LGR5: variants seen among roughly 807,000 people sequenced by gnomAD.
The protein encoded by LGR5 is leucine rich repeat containing G protein-coupled receptor 5.
A neutral mutation model predicts 76.7 loss-of-function variants in LGR5; 54 were observed. The ratio of observed to expected loss-of-function variants is 0.70; its 90% confidence interval spans 0.57 to 0.88. The LOEUF (loss-of-function observed/expected upper bound fraction) is 0.88. LGR5 is among the 40% of genes least tolerant of loss of function. The pLI is 0.00. For synonymous variants in LGR5, 406 were observed against 421.9 expected, an observed-to-expected ratio of 0.96 and a Z score of 0.46; for missense variants, 1,078 against 1,073.3, an observed-to-expected ratio of 1.00 and a Z score of -0.06.
At chr12:71,517,619 C>T (rs1252884587) in intron 2 of LGR5, among the ~76,000 whole-genome samples, 1 of 152,190 alleles carries the variant, frequency 6.6e-6, no homozygotes, top group Non-Finnish European at 1.5e-5. Flanking sequence ...TGTTTTAGAG[C>T]TCACAAATGC....
At chr12:71,468,977 T>C (rs1254544976) in intron 1 of LGR5, among the ~76,000 whole-genome samples, 1 of 152,210 alleles carries the variant, frequency 6.6e-6, no homozygotes, top group African/African-American at 2.4e-5. Context: ...ATTAAAAGTG[T>C]AATGTCACAT....
At chr12:71,478,831 A>T (rs1303975082) in intron 1 of LGR5, among the ~76,000 whole-genome samples, 1 of 152,198 alleles carries the variant, frequency 6.6e-6, no homozygotes, top group Non-Finnish European at 1.5e-5. Flanking sequence ...AAATGCTTGA[A>T]AGCATTGCAA....
chr12:71,559,552 TAAAA>T, intron 6 of LGR5, 30 bp from the exon 7 acceptor site: 1 of 1,229,224 alleles, frequency 8.1e-7, no homozygotes, highest in Non-Finnish European at 1.2e-6. Context: ...AAGTTTTAAA[TAAAA>T]AACTGAAAAT....
intron 3 of LGR5, among the ~76,000 whole-genome samples, chr12:71,529,544 T>C (rs1382910282): frequency 6.6e-6 from 1 of 152,194 alleles, no homozygotes; most frequent in East Asian, 1.9e-4. Context: ...ACCATATCAG[T>C]GTCTCAACTA....
chr12:71,542,881 A>C (rs927506770), intron 4 of LGR5, among the ~76,000 whole-genome samples: 1 of 151,860 alleles, frequency 6.6e-6, no homozygotes, highest in Non-Finnish European at 1.5e-5. Flanking sequence ...AAAAAAAAAA[A>C]GTAAAATCTA....
chr12:71,440,971 G>A lies in LGR5; in HGVS notation c.212+679G>A, dbSNP rs1404718312. On this transcript the variant is annotated intron_variant, in intron 1 of 17. Transcript: ENST00000266674. The surrounding 1 kb of genome is among the most constrained non-coding windows in gnomAD (Gnocchi z 5.3). ...GTTATCTTTACCTTTGGCTGCCCGC[G>A]CCGCCCTTTGAAGTGCCCGCGGCCG... Among the ~76,000 whole-genome samples, 1 of 151,902 alleles carries A rather than the reference G, an allele frequency of 6.6e-6. No individual in the cohort carries two copies. The highest frequency in any genetic ancestry group is 1.5e-5 in the Non-Finnish European group (1 of 67,994).
At chr12:71,567,642 A>G (rs1878412643) in intron 11 of LGR5, among the ~76,000 whole-genome samples, 1 of 152,142 alleles carries the variant, frequency 6.6e-6, no homozygotes. Context: ...CAATTTCACT[A>G]TAAGCTTTAC....
intron 1 of LGR5, among the ~76,000 whole-genome samples, chr12:71,457,745 C>T (rs895104934): frequency 2.0e-4 from 30 of 152,092 alleles, no homozygotes; most frequent in Admixed American, 1.6e-3. Flanking sequence ...ATTGTCTGGT[C>T]CTAAAGCATT....
intron 4 of LGR5, among the ~76,000 whole-genome samples, chr12:71,552,580 A>G (rs1175739200): frequency 6.6e-6 from 1 of 152,020 alleles, no homozygotes; most frequent in Non-Finnish European, 1.5e-5. Context: ...AAAAAAAAAA[A>G]AAATTACGCA....
chr12:71,554,646 A>T (rs905051045), intron 5 of LGR5, among the ~76,000 whole-genome samples: 20 of 152,250 alleles, frequency 1.3e-4, no homozygotes, highest in African/African-American at 4.8e-4. Flanking sequence ...GCCCAGGAAT[A>T]GACAAGGGCA....
rs1565844560 is a variant in LGR5 at position 71,440,190 on chromosome 12, ACT to A, written c.111_112del (p.His37GlnfsTer80). 6.2e-7 allele frequency: 1 copy of A among 1,612,286 alleles called. No homozygotes were observed. The highest frequency in any genetic ancestry group is 1.7e-5 in the Admixed American group (1 of 59,954). On this transcript the variant is annotated frameshift_variant, in exon 1 of 18. Coordinates refer to ENST00000266674, the MANE Select transcript of LGR5 (RefSeq NM_003667.4). LOFTEE classifies it high-confidence loss of function. The surrounding 1 kb of genome is among the most constrained non-coding windows in gnomAD (Gnocchi z 5.3). Reference sequence around the variant, plus strand: ...GTGTTGCTGAGGGGCTGCCCCACACACTGTCATTGCGAGCCCGACGGCAGGAT... The same window carrying A: ...GTGTTGCTGAGGGGCTGCCCCACACAGTCATTGCGAGCCCGACGGCAGGAT...
At position 71,553,202 on chromosome 12, in the gene LGR5, G is replaced by A. The variant is rs1023534997; in HGVS notation, c.558G>A (p.Ser186=). Residue 186 remains serine (S), a synonymous_variant, in exon 5 of 18, where the codon TCG becomes TCA. Coordinates refer to ENST00000266674, the MANE Select transcript of LGR5 (RefSeq NM_003667.4). ...EIPVQAFRSL[S]ALQAMTLALN... is the part of the protein sequence containing the mutation. ...CCGTCCAGGCTTTTAGAAGTTTATC[G>A]GCATTGCAAGCCATGACCTTGGCCC... The A allele has an allele frequency of 6.8e-6, 11 of 1,613,772 alleles. No homozygotes were observed. The highest frequency in any genetic ancestry group is 4.0e-5 in the African/African-American group (3 of 74,784).
At chr12:71,544,159 G>C (rs1393813363) in intron 4 of LGR5, among the ~76,000 whole-genome samples, 1 of 151,978 alleles carries the variant, frequency 6.6e-6, no homozygotes, top group Non-Finnish European at 1.5e-5. Flanking sequence ...ATTTCATCTG[G>C]CTGCTAGTCA....
intron 16 of LGR5, 197 bp from the exon 17 acceptor site, chr12:71,582,259 G>A (rs940952025): frequency 1.4e-5 from 7 of 513,856 alleles, no homozygotes; most frequent in Non-Finnish European, 1.8e-5. Flanking sequence ...CTCACCCCCA[G>A]TTGTACTAGA....
At chr12:71,563,841 A>G (rs1878183564) in intron 8 of LGR5, among the ~76,000 whole-genome samples, 1 of 151,854 alleles carries the variant, frequency 6.6e-6, no homozygotes, top group Non-Finnish European at 1.5e-5. Context: ...GTATATTCAT[A>G]CCTGCCCAGT....
chr12:71,489,113 T>C (rs1034544553), intron 1 of LGR5, among the ~76,000 whole-genome samples: 2 of 152,194 alleles, frequency 1.3e-5, no homozygotes, highest in African/African-American at 4.8e-5. Context: ...TGAAATCCAT[T>C]TGTAGATGTT....
chr12:71,479,420 T>A (rs1426104978), intron 1 of LGR5, among the ~76,000 whole-genome samples: 2 of 152,234 alleles, frequency 1.3e-5, no homozygotes, highest in East Asian at 3.8e-4. Flanking sequence ...GAGTATTTAC[T>A]GTGTTTCAAC....
chr12:71,533,201 C>T (rs1384405377), intron 3 of LGR5, among the ~76,000 whole-genome samples: 2 of 151,906 alleles, frequency 1.3e-5, no homozygotes, highest in Admixed American at 6.6e-5. Context: ...AAAAATTAGC[C>T]GGGCACGGTG....
At chr12:71,483,156 G>T (rs574567208) in intron 1 of LGR5, among the ~76,000 whole-genome samples, 2 of 152,252 alleles carry the variant, frequency 1.3e-5, no homozygotes, top group African/African-American at 4.8e-5. Context: ...AACTCCAGAT[G>T]GATTGCAAAG....
Sources: allele counts gnomAD v4.1 joint callset (sites outside exome capture counted in the v4.1 genomes callset), GRCh38; gene constraint gnomAD v4.1.1; non-coding constraint Gnocchi (gnomAD v3.1); transcripts MANE v1.5; gene names NCBI Gene and HGNC (gene_info 2026-07-23, HGNC 2026-07-21).